TMEM164: variants seen among roughly 807,000 people sequenced by gnomAD.
The protein encoded by TMEM164 is transmembrane protein 164.
A neutral mutation model predicts 18.8 loss-of-function variants in TMEM164; 4 were observed. That is an observed-to-expected ratio of 0.21 (90% CI 0.10 to 0.49). TMEM164 has a LOEUF of 0.49. Among genes scored for constraint, TMEM164 ranks in the 20% least tolerant of loss-of-function variants. The probability of loss-of-function intolerance (pLI) is 0.98; values close to 1 mark genes in which losing one functional copy is unlikely to be tolerated. For missense variants in TMEM164, 108 were observed against 239.9 expected (o/e 0.45, Z 3.63); for synonymous variants, 86 against 101.7 (o/e 0.85, Z 0.93).
At chrX:110,039,802 T>G (rs1283993248) in intron 2 of TMEM164, among the ~76,000 whole-genome samples, 1 of 112,250 alleles carries the variant, frequency 8.9e-6, no homozygotes, top group Non-Finnish European at 1.9e-5. Flanking sequence ...ACTAACTAGC[T>G]TTCATTTAGC....
At chrX:110,091,752 C>A (rs950604870) in intron 3 of TMEM164, among the ~76,000 whole-genome samples, 52 of 111,971 alleles carry the variant, frequency 4.6e-4, no homozygotes, top group African/African-American at 1.6e-3. Flanking sequence ...GTTGCCATTG[C>A]TTTTGGTGTT....
Position 110,147,598 on chromosome X carries a change from C to G in TMEM164, c.586+2722C>G, listed in dbSNP as rs1602707996. ...TAGGGGAAAAAGGCTTTCTCTTTTACTATTCTCTCTCTTTTTTTTTCATCA... is the reference window on the plus strand; with the variant it reads ...TAGGGGAAAAAGGCTTTCTCTTTTAGTATTCTCTCTCTTTTTTTTTCATCA... On this transcript the variant is annotated intron_variant, in intron 5 of 6. Transcript: ENST00000372068. Among the ~76,000 whole-genome samples, 4 of 110,692 alleles carry G rather than the reference C, an allele frequency of 3.6e-5. No individual in the cohort carries two copies. In the South Asian group the frequency reaches 1.5e-3, roughly 43 times the overall value.
At chrX:110,112,131 C>T (rs929729107) in intron 4 of TMEM164, among the ~76,000 whole-genome samples, 9 of 110,762 alleles carry the variant, frequency 8.1e-5, no homozygotes, top group African/African-American at 3.0e-4. Flanking sequence ...ATCATGAGGT[C>T]AGGAGATTGA....
rs1222940693 is a variant in TMEM164 at position 110,173,463 on chromosome X, T to A, written c.*12T>A. 4.5e-6 allele frequency: 5 copies of A among 1,099,846 alleles called. No homozygotes were observed. The highest frequency in any genetic ancestry group is 6.0e-6 in the Non-Finnish European group (5 of 830,508). The allele number at this position is 1,099,846 out of a possible 1,213,427, so 90.6% of individuals were successfully genotyped here. A position where few individuals can be genotyped will look rare whatever the true frequency, so the allele number is the denominator to read the frequency against. On this transcript the variant is annotated 3_prime_UTR_variant, in exon 7 of 7. Transcript: ENST00000372068. ...AGAAAATAGACTGAAGGTGCTTATT[T>A]TTTTTTTTTTTCCTCCCTGAGGAAG...
intron 2 of TMEM164, among the ~76,000 whole-genome samples, chrX:110,046,728 C>A (rs2147796116): frequency 8.9e-6 from 1 of 112,065 alleles, no homozygotes; most frequent in East Asian, 2.8e-4. Context: ...TCTATTGTAC[C>A]CCCTTTTGTC....
intron 5 of TMEM164, among the ~76,000 whole-genome samples, chrX:110,151,547 G>A (rs1211868313): frequency 2.7e-5 from 3 of 112,063 alleles, no homozygotes; most frequent in Non-Finnish European, 5.6e-5. Context: ...TTGGGAGACC[G>A]AGGTGGGTGG....
chrX:110,034,987 G>A (rs1456658535), intron 2 of TMEM164, among the ~76,000 whole-genome samples: 3 of 98,853 alleles, frequency 3.0e-5, no homozygotes, highest in South Asian at 5.1e-4. Flanking sequence ...ACCAAACACC[G>A]CATATTCTCA....
intron 2 of TMEM164, among the ~76,000 whole-genome samples, chrX:110,034,587 G>C (rs1336901542): frequency 9.0e-6 from 1 of 111,721 alleles, no homozygotes; most frequent in Non-Finnish European, 1.9e-5. Flanking sequence ...GGCCACGTTT[G>C]GTTCGCGGGT....
At chrX:110,113,135 T>C (rs928157220) in intron 4 of TMEM164, among the ~76,000 whole-genome samples, 2 of 112,014 alleles carry the variant, frequency 1.8e-5, no homozygotes, top group African/African-American at 3.2e-5. Flanking sequence ...CAAATAAATG[T>C]GAGGCTGTAG....
At chrX:110,078,304 C>T (rs1474446338) in intron 3 of TMEM164, among the ~76,000 whole-genome samples, 1 of 111,511 alleles carries the variant, frequency 9.0e-6, no homozygotes, top group Non-Finnish European at 1.9e-5. Flanking sequence ...TTTTCAATTC[C>T]ACCAGTTCTG....
intron 2 of TMEM164, chrX:110,055,235 G>T (rs1344602053): frequency 2.8e-6 from 1 of 355,803 alleles, no homozygotes. Flanking sequence ...TTTTTGAGTT[G>T]CCTACTTCTC....
chrX:110,091,326 A>G (rs1488806956), intron 3 of TMEM164, among the ~76,000 whole-genome samples: 1 of 112,132 alleles, frequency 8.9e-6, no homozygotes, highest in East Asian at 2.8e-4. Context: ...TCCCAACAAC[A>G]GTGTAAAAGT....
At chrX:110,052,757 T>TG (rs1935621113) in intron 2 of TMEM164, among the ~76,000 whole-genome samples, 1 of 98,376 alleles carries the variant, frequency 1.0e-5, no homozygotes, top group Non-Finnish European at 2.1e-5. Context: ...TTTTTTTTTT[T>TG]TTTTTTTTTT....
At position 110,163,261 on chromosome X, in the gene TMEM164, A is replaced by T. The variant is rs190620726; in HGVS notation, c.587-8159A>T. ...TATACCAGTGCTGTCCAATAAAAAC[A>T]TGTGAGGCACATATGTAATTTCAAA... is the stretch of plus-strand genomic sequence containing the variant. On this transcript the variant is annotated intron_variant, in intron 5 of 6. Coordinates refer to ENST00000372068, the MANE Select transcript of TMEM164 (RefSeq NM_032227.4). 1.2e-3 allele frequency among the ~76,000 whole-genome samples: 132 copies of T among 112,551 alleles called. 1 individual carries two copies. The highest frequency in any genetic ancestry group is 4.1e-3 in the African/African-American group (128 of 30,956).
At chrX:110,103,232 T>G (rs1035636237) in intron 3 of TMEM164, among the ~76,000 whole-genome samples, 1 of 111,976 alleles carries the variant, frequency 8.9e-6, no homozygotes, top group East Asian at 2.8e-4. Context: ...AAAACAAAGT[T>G]TATTATATTC....
chrX:110,142,478 G>A (rs2066783955), intron 4 of TMEM164, among the ~76,000 whole-genome samples: 2 of 112,150 alleles, frequency 1.8e-5, no homozygotes, highest in Admixed American at 9.4e-5. Flanking sequence ...CTCTGTCACC[G>A]AATGAGAATG....
At position 110,027,467 on chromosome X, in the gene TMEM164, C is replaced by T. The variant is rs764432374; in HGVS notation, c.390+23303C>T. ...GTATTTTACATGGTATTCTTAAACA[C>T]TGTGAGTGGGCTGGGCGCAGTGGCT... On this transcript the variant is annotated intron_variant, in intron 2 of 6. Transcript: ENST00000372068. 8.0e-5 allele frequency among the ~76,000 whole-genome samples: 9 copies of T among 111,878 alleles called. No homozygotes were observed. The South Asian group carries it at 3.3e-3, about 41-fold the overall frequency.
At chrX:110,124,297 A>G (rs2066499568) in intron 4 of TMEM164, among the ~76,000 whole-genome samples, 1 of 111,203 alleles carries the variant, frequency 9.0e-6, no homozygotes, top group Non-Finnish European at 1.9e-5. Flanking sequence ...TGAGGATTCA[A>G]TGAAATAATC....
intron 2 of TMEM164, among the ~76,000 whole-genome samples, chrX:110,016,643 G>GT (rs199788143): frequency 0.014 from 1,532 of 110,486 alleles, 28 homozygotes; most frequent in African/African-American, 0.047. Context: ...CAGAAAGGTT[G>GT]TTTTTTGTTT....
Sources: gnomAD v4.1 joint callset for allele counts (sites outside exome capture counted in the v4.1 genomes callset) on GRCh38, gnomAD v4.1.1 for gene constraint, MANE v1.5 for transcripts, NCBI Gene and HGNC (gene_info 2026-07-23, HGNC 2026-07-21) for gene names.